The following MCTP2 variants were observed in gnomAD, a reference collection of about 807,000 sequenced individuals.
The protein encoded by MCTP2 is multiple C2 and transmembrane domain containing 2.
MCTP2 carries 132 observed loss-of-function variants against 111.6 expected under a neutral mutation model. The ratio of observed to expected loss-of-function variants is 1.18; its 90% CI spans 1.03 to 1.37. MCTP2 has a LOEUF of 1.37. Ranked by LOEUF, MCTP2 falls within the 40% of genes most tolerant of loss-of-function variation. MCTP2 has a pLI of 0.00. For missense variants in MCTP2, 1,183 were observed against 1,067.9 expected (o/e 1.11, Z -1.50); for synonymous variants, 395 against 387.7 (o/e 1.02, Z -0.22).
intron 19 of MCTP2, among the ~76,000 whole-genome samples, chr15:94,452,421 A>G (rs928701296): frequency 1.3e-5 from 2 of 152,212 alleles, no homozygotes; most frequent in Non-Finnish European, 2.9e-5. Context: ...CACAAAAGCC[A>G]TCAAGCTTGA....
Position 94,276,023 on chromosome 15 carries a change from T to G in MCTP2, c.-65-22178T>G, listed in dbSNP as rs568464536. On this transcript the variant is annotated intron_variant, in intron 1 of 22. Coordinates refer to ENST00000357742, the MANE Select transcript of MCTP2 (RefSeq NM_001385001.1). The stretch of plus-strand genomic sequence containing the variant: ...ACCATGCCCAGCTAATTTTTGTATT[T>G]TTAGTAGAGATGGGATTTCACCGTG... Among the ~76,000 whole-genome samples the G allele has an allele frequency of 9.9e-5, 15 of 152,132 alleles. No individual in the cohort carries two copies. In the South Asian group the frequency reaches 3.1e-3, roughly 32 times the overall value.
chr15:94,410,741 A>G (rs1016460870), intron 17 of MCTP2, among the ~76,000 whole-genome samples: 2 of 152,194 alleles, frequency 1.3e-5, no homozygotes, highest in African/African-American at 4.8e-5. Flanking sequence ...TGTTGGGTAC[A>G]CAGTAGGCAT....
chr15:94,314,471 T>TA, intron 3 of MCTP2, 127 bp downstream of exon 3: 1 of 710,728 alleles, frequency 1.4e-6, no homozygotes, highest in Non-Finnish European at 2.3e-6. Flanking sequence ...CGTATCCACT[T>TA]ACAAAACCAG....
intron 1 of MCTP2, among the ~76,000 whole-genome samples, chr15:94,233,498 C>T (rs2070335056): frequency 6.6e-6 from 1 of 152,076 alleles, no homozygotes; most frequent in South Asian, 2.1e-4. Flanking sequence ...GCTGAGTGGG[C>T]TTTGAAATCA....
intron 8 of MCTP2, 60 bp downstream of exon 8, chr15:94,345,224 C>A: frequency 6.8e-7 from 1 of 1,474,634 alleles, no homozygotes; most frequent in Non-Finnish European, 9.4e-7. Context: ...TTGTAGCAAA[C>A]AAAAATGACT....
chr15:94,402,946 G>A (rs998917122), intron 17 of MCTP2: 18 of 1,038,514 alleles, frequency 1.7e-5, no homozygotes, highest in Non-Finnish European at 2.1e-5. Context: ...AATATATGCT[G>A]AATGTTCTCT....
intron 1 of MCTP2, among the ~76,000 whole-genome samples, chr15:94,248,158 C>T (rs541024786): frequency 3.9e-5 from 6 of 152,094 alleles, no homozygotes; most frequent in Non-Finnish European, 8.8e-5. Flanking sequence ...GGAGGTGATT[C>T]CTGATGTGGG....
chr15:94,398,918 G>C, intron 14 of MCTP2, 43 bp from the exon 15 acceptor site: 4 of 1,211,776 alleles, frequency 3.3e-6, no homozygotes, highest in Non-Finnish European at 4.8e-6. Context: ...AAACCACATA[G>C]TAATTTTGCA....
intron 18 of MCTP2, 21 bp from the exon 19 acceptor site, chr15:94,442,898 A>C: frequency 6.2e-7 from 1 of 1,610,448 alleles, no homozygotes; most frequent in Non-Finnish European, 8.5e-7. Flanking sequence ...GTTTCTATAA[A>C]CACGTGGGAT....
At chr15:94,285,746 G>T (rs1006160404) in intron 1 of MCTP2, among the ~76,000 whole-genome samples, 5 of 152,118 alleles carry the variant, frequency 3.3e-5, no homozygotes, top group African/African-American at 1.2e-4. Context: ...AATTTGGAAT[G>T]ACTGAAAAAG....
chr15:94,384,726 C>T (rs1046519996), intron 13 of MCTP2, among the ~76,000 whole-genome samples: 1 of 152,190 alleles, frequency 6.6e-6, no homozygotes, highest in Admixed American at 6.5e-5. Context: ...TAAATCAATG[C>T]TCTGTCTGTG....
At chr15:94,288,702 A>G (rs2074884232) in intron 1 of MCTP2, among the ~76,000 whole-genome samples, 3 of 152,368 alleles carry the variant, frequency 2.0e-5, no homozygotes, top group Non-Finnish European at 1.5e-5. Context: ...AAGGCAATTA[A>G]CAGATGAAAA....
At chr15:94,329,016 G>A (rs1363509475) in intron 4 of MCTP2, among the ~76,000 whole-genome samples, 13 of 152,078 alleles carry the variant, frequency 8.5e-5, no homozygotes, top group Non-Finnish European at 1.5e-5. Flanking sequence ...TTTTTATGTG[G>A]AAGCTCAGGG....
Position 94,403,309 on chromosome 15 carries a change from C to T in MCTP2, c.2085+1290C>T, listed in dbSNP as rs999798335. 8 of 933,654 alleles carry T rather than the reference C, an allele frequency of 8.6e-6. No individual in the cohort carries two copies. The Admixed American group carries it at 1.8e-4, about 22-fold the overall frequency. The allele number at this position is 933,654 out of a possible 1,614,324, so 57.8% of individuals were successfully genotyped here. A position where few individuals can be genotyped will look rare whatever the true frequency, so the allele number is the denominator to read the frequency against. On this transcript the variant is annotated intron_variant, in intron 17 of 22. Coordinates refer to ENST00000357742, the MANE Select transcript of MCTP2 (RefSeq NM_001385001.1). ...TTTGTTTATCCACTTCCCTTTCTCA[C>T]GTTCTCCTCAGCTGGTGGCTTCATG...
chr15:94,352,893 C>G (rs992866745), intron 8 of MCTP2, among the ~76,000 whole-genome samples: 1 of 152,196 alleles, frequency 6.6e-6, no homozygotes, highest in African/African-American at 2.4e-5. Context: ...TCAAACCTAT[C>G]AAGTATGGAA....
rs567585852 is a variant in MCTP2 at position 94,438,871 on chromosome 15, C to T, written c.2086-1305C>T. Reference sequence around the variant, plus strand: ...TCTAGAAGTATTTTCATTAAAGCCACGAATTAAACAGTGATATCCTTCTGA... The same window carrying T: ...TCTAGAAGTATTTTCATTAAAGCCATGAATTAAACAGTGATATCCTTCTGA... On this transcript the variant is annotated intron_variant, in intron 17 of 22. Transcript: ENST00000357742. Among the ~76,000 whole-genome samples the T allele has an allele frequency of 9.9e-5, 15 of 152,038 alleles. No individual in the cohort carries two copies. In the South Asian group the frequency reaches 2.3e-3, roughly 23 times the overall value.
chr15:94,423,771 G>A (rs1267449575), intron 17 of MCTP2, among the ~76,000 whole-genome samples: 3 of 152,144 alleles, frequency 2.0e-5, no homozygotes, highest in East Asian at 1.9e-4. Flanking sequence ...CTAGGCCAGT[G>A]CAGAATCACA....
intron 9 of MCTP2, among the ~76,000 whole-genome samples, chr15:94,357,752 T>C (rs949179748): frequency 9.9e-5 from 15 of 152,214 alleles, no homozygotes; most frequent in African/African-American, 3.6e-4. Flanking sequence ...CCTAATACTC[T>C]GGGACCAACA....
intron 17 of MCTP2, among the ~76,000 whole-genome samples, chr15:94,429,525 A>C (rs1337336168): frequency 6.6e-6 from 1 of 152,194 alleles, no homozygotes; most frequent in African/African-American, 2.4e-5. Context: ...TATTGTGGCC[A>C]TCCTCTTTAA....
Sources: gnomAD v4.1 joint callset for allele counts (sites outside exome capture counted in the v4.1 genomes callset) on GRCh38, gnomAD v4.1.1 for gene constraint, MANE v1.5 for transcripts, NCBI Gene and HGNC (gene_info 2026-07-23, HGNC 2026-07-21) for gene names.